The following SOX5 variants were observed in gnomAD, a reference collection of about 807,000 sequenced individuals.
SOX5 encodes transcription factor SOX-5.
A neutral mutation model predicts 92.0 loss-of-function variants in SOX5; 9 were observed. That is an observed-to-expected ratio of 0.10 (90% confidence interval 0.06 to 0.17). SOX5 has a LOEUF of 0.17. Ranked by LOEUF, SOX5 falls within the 10% of genes least tolerant of loss-of-function variation. The pLI, the probability that SOX5 is intolerant of heterozygous loss-of-function variation, is 1.00. For missense variants in SOX5, 642 were observed against 944.5 expected (o/e 0.68, Z 4.20); for synonymous variants, 344 against 336.3 (o/e 1.02, Z -0.25).
At chr12:24,324,142 A>T (rs936095042) in intron 2 of SOX5, among the ~76,000 whole-genome samples, 1 of 152,128 alleles carries the variant, frequency 6.6e-6, no homozygotes, top group African/African-American at 2.4e-5. Context: ...ATTTTATTTC[A>T]AACGTCATTT....
intron 4 of SOX5, among the ~76,000 whole-genome samples, chr12:23,981,282 C>A (rs1949546165): frequency 6.6e-6 from 1 of 152,086 alleles, no homozygotes; most frequent in African/African-American, 2.4e-5. Flanking sequence ...CTCCACAGCC[C>A]TAGTTTACAG....
intron 1 of SOX5, among the ~76,000 whole-genome samples, chr12:24,438,379 A>C (rs922060770): frequency 6.6e-6 from 1 of 152,158 alleles, no homozygotes; most frequent in African/African-American, 2.4e-5. Context: ...ATGTATACCT[A>C]TGTAACGAAA....
intron 4 of SOX5, among the ~76,000 whole-genome samples, chr12:24,053,184 C>A (rs561578905): frequency 0.13 from 19,545 of 145,480 alleles, 1,752 homozygotes; most frequent in Non-Finnish European, 0.21. Context: ...GCACGCCCCC[C>A]CCCTTTTTTT....
chr12:23,732,300 A>G (rs1453963935), intron 6 of SOX5, among the ~76,000 whole-genome samples: 1 of 152,152 alleles, frequency 6.6e-6, no homozygotes, highest in African/African-American at 2.4e-5. Context: ...ATTTCTACAT[A>G]TGTCACCACA....
intron 8 of SOX5, among the ~76,000 whole-genome samples, chr12:23,615,828 G>T (rs901846058): frequency 6.6e-6 from 1 of 152,018 alleles, no homozygotes; most frequent in African/African-American, 2.4e-5. Context: ...ATTATTGAGT[G>T]GTAAAACTTC....
chr12:23,829,327 G>A (rs2096279092), intron 3 of SOX5, among the ~76,000 whole-genome samples: 1 of 152,048 alleles, frequency 6.6e-6, no homozygotes, highest in Non-Finnish European at 1.5e-5. Context: ...AAATCCTCCA[G>A]CTAGTCTTGA....
chr12:23,974,709 T>C (rs569358569), intron 4 of SOX5, among the ~76,000 whole-genome samples: 4 of 152,250 alleles, frequency 2.6e-5, no homozygotes, highest in African/African-American at 4.8e-5. Flanking sequence ...GGAAAATTCA[T>C]TTGTGGGATC....
intron 4 of SOX5, among the ~76,000 whole-genome samples, chr12:24,009,258 ATTGT>A (rs1236486713): frequency 2.6e-5 from 4 of 152,196 alleles, no homozygotes; most frequent in African/African-American, 7.2e-5. Context: ...AGAATAATAA[ATTGT>A]TTGTTTAAGC....
intron 3 of SOX5, among the ~76,000 whole-genome samples, chr12:24,273,552 T>C (rs1356931432): frequency 1.3e-5 from 2 of 152,220 alleles, no homozygotes; most frequent in African/African-American, 4.8e-5. Flanking sequence ...AATACTGATA[T>C]TGGTAATCTG....
At chr12:24,176,015 A>G (rs1165119841) in intron 4 of SOX5, among the ~76,000 whole-genome samples, 5 of 152,058 alleles carry the variant, frequency 3.3e-5, no homozygotes, top group African/African-American at 9.7e-5. Context: ...AACTCTTGAG[A>G]CAGCAAAAAT....
At chr12:23,723,990 T>C (rs111756060) in intron 6 of SOX5, among the ~76,000 whole-genome samples, 3,291 of 152,268 alleles carry the variant, frequency 0.022, 73 homozygotes, top group Non-Finnish European at 0.027. Context: ...TATTTGCATA[T>C]GTGGAAAATG....
chr12:24,380,916 C>T (rs1355939920), intron 1 of SOX5, among the ~76,000 whole-genome samples: 1 of 152,100 alleles, frequency 6.6e-6, no homozygotes. Flanking sequence ...AAAAAGAAGT[C>T]CCTAAAATCT....
chr12:23,906,957 C>T (rs2097300323), intron 1 of SOX5, among the ~76,000 whole-genome samples: 1 of 150,422 alleles, frequency 6.6e-6, no homozygotes, highest in Admixed American at 6.7e-5. Context: ...AAAAAAAATA[C>T]TGTGTGAAAT....
chr12:24,550,017 C>T (rs1023652768), intron 1 of SOX5, among the ~76,000 whole-genome samples: 1 of 152,166 alleles, frequency 6.6e-6, no homozygotes, highest in Non-Finnish European at 1.5e-5. Flanking sequence ...TTCTATGTTA[C>T]AATGAGCAAG....
At chr12:24,364,197 T>C (rs1344452227) in intron 2 of SOX5, among the ~76,000 whole-genome samples, 1 of 152,120 alleles carries the variant, frequency 6.6e-6, no homozygotes, top group Non-Finnish European at 1.5e-5. Flanking sequence ...CAATTGTCTT[T>C]ACTAATCTAT....
chr12:23,590,238 A>G (rs1951336054), intron 9 of SOX5, among the ~76,000 whole-genome samples: 1 of 152,030 alleles, frequency 6.6e-6, no homozygotes, highest in Non-Finnish European at 1.5e-5. Flanking sequence ...ACTGGGAGAA[A>G]GGCAGAAGTA....
chr12:24,175,821 T>C (rs1031088300), intron 4 of SOX5, among the ~76,000 whole-genome samples: 1 of 151,992 alleles, frequency 6.6e-6, no homozygotes, highest in Non-Finnish European at 1.5e-5. Context: ...ATCTCCTGAC[T>C]GTACTAAAAA....
rs555025618 is a variant in SOX5 at position 23,819,342 on chromosome 12, T to C, written c.481+26641A>G. On this transcript the variant is annotated intron_variant, in intron 3 of 14. Transcript: ENST00000451604. ...AATGTCATGTGGCACTTGACTGTAC[T>C]TTCTTTGTGTAAAAACTTGTTCTAG... Among the ~76,000 whole-genome samples the C allele has an allele frequency of 1.7e-4, 26 of 152,328 alleles. No homozygotes were observed. The South Asian group carries it at 5.2e-3, about 30-fold the overall frequency.
chr12:24,155,064 C>T (rs34284918), intron 4 of SOX5, among the ~76,000 whole-genome samples: 1 of 151,988 alleles, frequency 6.6e-6, no homozygotes, highest in Admixed American at 6.6e-5. Flanking sequence ...ATGGGTGTAT[C>T]CTCCTTGAAA....
Sources: gnomAD v4.1 joint callset for allele counts (sites outside exome capture counted in the v4.1 genomes callset) on GRCh38, gnomAD v4.1.1 for gene constraint, MANE v1.5 for transcripts, NCBI Gene and HGNC (gene_info 2026-07-23, HGNC 2026-07-21) for gene names.